NSMAF: variants seen among roughly 807,000 people sequenced by gnomAD.
The protein encoded by NSMAF is neutral sphingomyelinase activation associated factor, also known as protein FAN.
NSMAF carries 90 observed loss-of-function variants against 134.9 expected under a neutral mutation model. The ratio of observed to expected loss-of-function variants is 0.67; its 90% CI spans 0.56 to 0.79. The LOEUF (loss-of-function observed/expected upper bound fraction) is 0.79. Among genes scored for constraint, NSMAF ranks in the 30% least tolerant of loss-of-function variants. The pLI, the probability that NSMAF is intolerant of heterozygous loss-of-function variation, is 0.00. For synonymous variants in NSMAF, 358 were observed against 389.6 expected (o/e 0.92, Z 0.96); for missense variants, 1,010 against 1,119.0 (o/e 0.90, Z 1.39).
At chr8:58,610,248 C>T (rs1806498035) in intron 9 of NSMAF, among the ~76,000 whole-genome samples, 1 of 152,058 alleles carries the variant, frequency 6.6e-6, no homozygotes, top group Non-Finnish European at 1.5e-5. Flanking sequence ...CTGCAGAAAA[C>T]CTCTGAAAAA....
chr8:58,585,317 G>GTTTTTTTTTTTTTT (rs571525208), intron 30 of NSMAF, among the ~76,000 whole-genome samples: 5 of 144,326 alleles, frequency 3.5e-5, no homozygotes, highest in African/African-American at 1.3e-4. Context: ...TTGTTTCTGG[G>GTTTTTTTTTTTTTT]TTTTTTTTTT....
chr8:58,589,394 TTATACA>T (rs1805973714), intron 26 of NSMAF, 52 bp downstream of exon 26: 2 of 1,324,830 alleles, frequency 1.5e-6, no homozygotes, highest in Non-Finnish European at 2.0e-6. Flanking sequence ...AAGCTAAAAA[TTATACA>T]TATGCCATAT....
rs1268818586 is a variant in NSMAF at position 58,601,565 on chromosome 8, G to C, written c.1126-30C>G. ...AATACAGAAAAAAAAAAAAAATAGA[G>C]CTAAGTGTTGGCTATGAAATAATAA... On this transcript the variant is annotated intron_variant, in intron 14 of 30. Coordinates refer to ENST00000038176, the MANE Select transcript of NSMAF (RefSeq NM_003580.4). 2.4e-6 allele frequency: 3 copies of C among 1,274,788 alleles called. No individual in the cohort carries two copies. In the African/African-American group the frequency reaches 4.6e-5, roughly 19 times the overall value. 79.0% of individuals were successfully genotyped at this position (1,274,788 alleles called of 1,614,324 possible). A position where few individuals can be genotyped will look rare whatever the true frequency, so the allele number is the denominator to read the frequency against.
In NSMAF at chr8:58,589,570, AAAT is replaced by A; in HGVS notation, c.2090_2092del (p.Tyr697del). ...GCGTCTTCCAAATGCTATGGAATAA[AAAT>A]AGCTAAAAGATAATGAGAAGCATTA... On this transcript the variant is annotated inframe_deletion and splice_region_variant, in exon 26 of 31. Transcript: ENST00000038176. 6.4e-7 allele frequency: 1 copy of A among 1,566,670 alleles called. No individual in the cohort carries two copies. Among genetic ancestry groups the A allele is most frequent in the Non-Finnish European group, 8.6e-7 (1 of 1,166,490 alleles).
In NSMAF at chr8:58,605,908, T is replaced by G; in HGVS notation, c.868+19A>C. On this transcript the variant is annotated intron_variant, in intron 12 of 30. Coordinates refer to ENST00000038176, the MANE Select transcript of NSMAF (RefSeq NM_003580.4). ...AAAAAAAAAAAAAAGAAAGAAACAA[T>G]GAAGGGTGAGCGCCAAACCTAGGTA... 6.6e-7 allele frequency: 1 copy of G among 1,506,302 alleles called. No individual in the cohort carries two copies. Among genetic ancestry groups the G allele is most frequent in the Non-Finnish European group, 8.8e-7 (1 of 1,133,456 alleles). 93.3% of individuals were successfully genotyped at this position (1,506,302 alleles called of 1,614,324 possible). A position where few individuals can be genotyped will look rare whatever the true frequency, so the allele number is the denominator to read the frequency against.
At chr8:58,649,887 A>C (rs1021810402) in intron 1 of NSMAF, among the ~76,000 whole-genome samples, 1 of 152,190 alleles carries the variant, frequency 6.6e-6, no homozygotes, top group African/African-American at 2.4e-5. Context: ...AATTAGCAGC[A>C]TGACGTTCAT....
chr8:58,629,995 C>T (rs948714065), intron 6 of NSMAF, among the ~76,000 whole-genome samples: 1 of 152,178 alleles, frequency 6.6e-6, no homozygotes, highest in Non-Finnish European at 1.5e-5. Context: ...CCTTGGGCAG[C>T]TCCCCTGAAA....
intron 21 of NSMAF, 45 bp downstream of exon 21, chr8:58,597,342 A>C (rs1806159487): frequency 5.2e-6 from 8 of 1,540,664 alleles, no homozygotes; most frequent in Non-Finnish European, 7.2e-6. Flanking sequence ...TCATCACAGA[A>C]GAGAAACAAA....
intron 1 of NSMAF, among the ~76,000 whole-genome samples, chr8:58,649,368 TA>T (rs1167287790): frequency 6.6e-6 from 1 of 152,146 alleles, no homozygotes; most frequent in African/African-American, 2.4e-5. Context: ...TGGAAAGAGA[TA>T]GGTGTAAGAT....
chr8:58,583,999 T>A lies in NSMAF; in HGVS notation c.*107A>T, dbSNP rs1805827187. 1 of 893,504 alleles carries A rather than the reference T, an allele frequency of 1.1e-6. No individual in the cohort carries two copies. The highest frequency in any genetic ancestry group is 1.8e-6 in the Non-Finnish European group (1 of 550,284). The allele number at this position is 893,504 out of a possible 1,614,324, so 55.3% of individuals were successfully genotyped here. A position where few individuals can be genotyped will look rare whatever the true frequency, so the allele number is the denominator to read the frequency against. ...TTAAAACCACAAATTTTCCATGTGG[T>A]AAAACTTCTAATTACTAACATTGCA... On this transcript the variant is annotated 3_prime_UTR_variant, in exon 31 of 31. Transcript: ENST00000038176.
At chr8:58,613,794 G>A (rs551080114) in intron 9 of NSMAF, among the ~76,000 whole-genome samples, 12 of 152,062 alleles carry the variant, frequency 7.9e-5, no homozygotes, top group African/African-American at 1.2e-4. Flanking sequence ...AAAGTGTTTC[G>A]GATTTTGGAT....
Position 58,595,585 on chromosome 8 carries a change from G to GT in NSMAF, c.1866dup (p.His623ThrfsTer5), listed in dbSNP as rs1806119788. 1 of 1,613,592 alleles carries GT rather than the reference G, an allele frequency of 6.2e-7. No individual in the cohort carries two copies. ...TCTTTGTGGATTTTATAGTGCTCGT[G>GT]TAACTGCAGTTTGGTGATGTTATTC... On this transcript the variant is annotated frameshift_variant, in exon 22 of 31. Coordinates refer to ENST00000038176, the MANE Select transcript of NSMAF (RefSeq NM_003580.4). LOFTEE classifies it high-confidence loss of function.
chr8:58,630,622 G>C (rs1807037435), intron 6 of NSMAF, among the ~76,000 whole-genome samples: 1 of 152,126 alleles, frequency 6.6e-6, no homozygotes, highest in African/African-American at 2.4e-5. Flanking sequence ...GGAAAGAGCT[G>C]TAATATAAGT....
chr8:58,610,063 T>C (rs1320276433), intron 9 of NSMAF, among the ~76,000 whole-genome samples: 1 of 152,222 alleles, frequency 6.6e-6, no homozygotes, highest in African/African-American at 2.4e-5. Flanking sequence ...AATTATTTCC[T>C]ATTTTTCTGT....
At chr8:58,585,799 T>C (rs780661312) in intron 29 of NSMAF, 38 bp from the exon 30 acceptor site, 22 of 1,599,104 alleles carry the variant, frequency 1.4e-5, no homozygotes, top group Non-Finnish European at 1.8e-5. Context: ...TTCTTCATCA[T>C]GAAGGAAGGA....
At chr8:58,618,568 C>A (rs1806716568) in intron 9 of NSMAF, among the ~76,000 whole-genome samples, 1 of 151,570 alleles carries the variant, frequency 6.6e-6, no homozygotes, top group Admixed American at 6.6e-5. Flanking sequence ...AATATATACA[C>A]ATATATATAT....
intron 10 of NSMAF, among the ~76,000 whole-genome samples, chr8:58,609,136 G>C (rs916654075): frequency 1.3e-5 from 2 of 152,194 alleles, no homozygotes; most frequent in Non-Finnish European, 2.9e-5. Context: ...GGGAGGACCT[G>C]CTCATAGTGC....
chr8:58,642,161 CA>C (rs1807351734), intron 2 of NSMAF, among the ~76,000 whole-genome samples: 1 of 152,038 alleles, frequency 6.6e-6, no homozygotes, highest in South Asian at 2.1e-4. Flanking sequence ...AAACAAATAC[CA>C]CATGTTTTTG....
At chr8:58,597,343 G>A in intron 21 of NSMAF, 44 bp downstream of exon 21, 2 of 1,545,516 alleles carry the variant, frequency 1.3e-6, no homozygotes, top group Non-Finnish European at 1.8e-6. Flanking sequence ...CATCACAGAA[G>A]AGAAACAAAA....
Sources: allele counts gnomAD v4.1 joint callset (sites outside exome capture counted in the v4.1 genomes callset), GRCh38; gene constraint gnomAD v4.1.1; transcripts MANE v1.5; gene names NCBI Gene and HGNC (gene_info 2026-07-23, HGNC 2026-07-21).